The following ITPRID1 variants were observed in gnomAD, a reference collection of about 807,000 sequenced individuals.
The protein encoded by ITPRID1 is protein ITPRID1.
Under a neutral mutation model 95.4 loss-of-function variants are expected in ITPRID1, and 96 were observed. The observed-to-expected ratio is 1.01, with a 90% confidence interval of 0.85 to 1.19. ITPRID1 has a LOEUF of 1.19. Among genes scored for constraint, ITPRID1 ranks in the 50% most tolerant of loss-of-function variants. The pLI is 0.00. For synonymous variants in ITPRID1, 510 were observed against 453.6 expected (o/e 1.12, Z -1.58); for missense variants, 1,339 against 1,252.9 (o/e 1.07, Z -1.04).
intron 1 of ITPRID1, chr7:31,529,699 T>TG (rs1783532866): frequency 7.4e-7 from 1 of 1,348,640 alleles, no homozygotes; most frequent in East Asian, 2.5e-5. Flanking sequence ...ACAAGGGCTT[T>TG]GTAGTCAGTC....
chr7:31,519,620 C>CTCCATATATATATATATATATATATA lies in ITPRID1; in HGVS notation c.-98+5501_-98+5502insCCATATATATATATATATATATATAT. Among the ~76,000 whole-genome samples, 11 of 25,270 alleles carry CTCCATATATATATATATATATATATA rather than the reference C, an allele frequency of 4.4e-4. 1 individual carries two copies. The highest frequency in any genetic ancestry group is 2.1e-3 in the South Asian group (1 of 486). The allele number at this position is 25,270 out of a possible 152,430, so 16.6% of individuals were successfully genotyped here. A position where few individuals can be genotyped will look rare whatever the true frequency, so the allele number is the denominator to read the frequency against. ...TCTCTCTCTCTCTCTCTCTCTCTCT[C>CTCCATATATATATATATATATATATA]TATATATATATATATATATATATAT... On this transcript the variant is annotated intron_variant, in intron 1 of 14. Transcript: ENST00000615280.
At chr7:31,601,607 A>G (rs913757089) in intron 10 of ITPRID1, among the ~76,000 whole-genome samples, 1 of 152,204 alleles carries the variant, frequency 6.6e-6, no homozygotes, top group Admixed American at 6.5e-5. Context: ...CTGTAGTAAC[A>G]TCCTACACAT....
At chr7:31,590,371 A>T (rs925597901) in intron 10 of ITPRID1, among the ~76,000 whole-genome samples, 3 of 152,222 alleles carry the variant, frequency 2.0e-5, no homozygotes, top group African/African-American at 4.8e-5. Flanking sequence ...AGAAAAAGAA[A>T]TGAATATAAT....
intron 1 of ITPRID1, among the ~76,000 whole-genome samples, chr7:31,524,968 A>G (rs1783378486): frequency 6.6e-6 from 1 of 152,190 alleles, no homozygotes; most frequent in African/African-American, 2.4e-5. Context: ...TGTGAAATCC[A>G]GTCCAGATTT....
intron 1 of ITPRID1, among the ~76,000 whole-genome samples, chr7:31,522,402 A>G (rs1274239961): frequency 6.6e-6 from 1 of 152,204 alleles, no homozygotes; most frequent in Non-Finnish European, 1.5e-5. Context: ...ACTGTGCTAT[A>G]CAGCCTTCTT....
intron 1 of ITPRID1, among the ~76,000 whole-genome samples, chr7:31,527,560 G>A (rs1167377794): frequency 2.0e-5 from 3 of 152,094 alleles, no homozygotes; most frequent in Admixed American, 2.0e-4. Context: ...GCTAACTGGA[G>A]CACCTCCTCC....
At chr7:31,544,559 A>AC (rs918869887) in intron 1 of ITPRID1, among the ~76,000 whole-genome samples, 46 of 151,710 alleles carry the variant, frequency 3.0e-4, no homozygotes, top group East Asian at 5.8e-4. Flanking sequence ...CTTTTTTTAT[A>AC]CCCCCCTCAA....
At chr7:31,606,322 C>T (rs1786620146) in intron 10 of ITPRID1, among the ~76,000 whole-genome samples, 1 of 152,020 alleles carries the variant, frequency 6.6e-6, no homozygotes, top group South Asian at 2.1e-4. Context: ...CCTAGAAGCT[C>T]AATAAATGTT....
chr7:31,555,146 T>C (rs1318034102), intron 5 of ITPRID1: 2 of 393,218 alleles, frequency 5.1e-6, no homozygotes, highest in Non-Finnish European at 9.2e-6. Flanking sequence ...GCTCAGAGTA[T>C]AGCATAAACT....
At chr7:31,563,309 G>A (rs1021448523) in intron 5 of ITPRID1, among the ~76,000 whole-genome samples, 1 of 152,176 alleles carries the variant, frequency 6.6e-6, no homozygotes, top group African/African-American at 2.4e-5. Context: ...TGAAAGAAAT[G>A]GTTTCATGCT....
chr7:31,569,741 T>C lies in ITPRID1; in HGVS notation c.257-17T>C. On this transcript the variant is annotated splice_polypyrimidine_tract_variant and intron_variant, in intron 5 of 14. Coordinates refer to ENST00000615280, the MANE Select transcript of ITPRID1 (RefSeq NM_001257967.3). The stretch of plus-strand genomic sequence containing the variant: ...AAAACGAAATAAAGTTCCCCTCTAC[T>C]TTTTTTGTTGTTGCAGTTTCTTTGT... The C allele has an allele frequency of 6.4e-7, 1 of 1,561,148 alleles. No homozygotes were observed. Among genetic ancestry groups the C allele is most frequent in the Non-Finnish European group, 8.7e-7 (1 of 1,150,540 alleles).
In ITPRID1 at chr7:31,652,009, T is replaced by A; in HGVS notation, c.2782T>A (p.Leu928Ile). The A allele has an allele frequency of 1.2e-6, 2 of 1,604,952 alleles. No individual in the cohort carries two copies. The highest frequency in any genetic ancestry group is 1.7e-6 in the Non-Finnish European group (2 of 1,175,966). The change falls in exon 14 of 15, where the codon TTA (leucine) becomes ATA (isoleucine). Residue 928 changes from leucine to isoleucine, a missense_variant. Physicochemically the swap from Leu to Ile is conservative, Grantham distance 5. Transcript: ENST00000615280. ...RQQVAELEFQLGDRAQQIREG... is the reference protein window; with the variant it reads ...RQQVAELEFQIGDRAQQIREG... ...GCAGGTGGCAGAGTTGGAATTTCAGTTAGGAGACCGGGCTCAGCAAATCAG... is the reference window on the plus strand; with the variant it reads ...GCAGGTGGCAGAGTTGGAATTTCAGATAGGAGACCGGGCTCAGCAAATCAG...
chr7:31,529,198 A>G (rs566642333), intron 1 of ITPRID1, among the ~76,000 whole-genome samples: 3 of 152,190 alleles, frequency 2.0e-5, no homozygotes, highest in South Asian at 4.1e-4. Context: ...GAATTTTCCA[A>G]TAGAATTTCC....
intron 7 of ITPRID1, among the ~76,000 whole-genome samples, chr7:31,573,035 T>A (rs1785046634): frequency 6.6e-6 from 1 of 152,232 alleles, no homozygotes; most frequent in Non-Finnish European, 1.5e-5. Flanking sequence ...TTGAACCTCT[T>A]TATATTCAGG....
At chr7:31,635,245 A>T (rs1489273887) in intron 10 of ITPRID1, among the ~76,000 whole-genome samples, 2 of 152,218 alleles carry the variant, frequency 1.3e-5, no homozygotes, top group African/African-American at 4.8e-5. Flanking sequence ...TCCTACATCT[A>T]GATGTGCATA....
intron 10 of ITPRID1, among the ~76,000 whole-genome samples, chr7:31,611,482 T>C (rs2128164793): frequency 1.3e-5 from 2 of 152,048 alleles, no homozygotes; most frequent in Admixed American, 1.3e-4. Flanking sequence ...CACTCCCACC[T>C]GAAGGACTTT....
chr7:31,638,546 T>G (rs983387318), intron 10 of ITPRID1, among the ~76,000 whole-genome samples: 3 of 152,200 alleles, frequency 2.0e-5, no homozygotes, highest in African/African-American at 7.2e-5. Flanking sequence ...TTATCTTTTT[T>G]AAAGATGTAG....
intron 14 of ITPRID1, 50 bp from the exon 15 acceptor site, chr7:31,652,468 G>A (rs370211074): frequency 2.6e-6 from 4 of 1,524,222 alleles, no homozygotes; most frequent in Non-Finnish European, 3.5e-6. Context: ...AAGCTGTTTG[G>A]TGCCAATGTG....
chr7:31,581,943 GAAATT>G (rs1194242745), intron 9 of ITPRID1, among the ~76,000 whole-genome samples: 9 of 152,134 alleles, frequency 5.9e-5, no homozygotes, highest in Admixed American at 5.9e-4. Context: ...ATTAAAAAGA[GAAATT>G]AAATATTTCT....
Sources: allele counts gnomAD v4.1 joint callset (sites outside exome capture counted in the v4.1 genomes callset), GRCh38; gene constraint gnomAD v4.1.1; transcripts MANE v1.5; gene names NCBI Gene and HGNC (gene_info 2026-07-23, HGNC 2026-07-21).